FUT8: variants seen among roughly 807,000 people sequenced by gnomAD.
FUT8 encodes alpha-(1,6)-fucosyltransferase.
In FUT8, 29 loss-of-function variants were observed where a neutral mutation model predicts 71.3. That is an observed-to-expected ratio of 0.41 (90% CI 0.30 to 0.55). FUT8 has a LOEUF of 0.55. Among genes scored for constraint, FUT8 ranks in the 20% least tolerant of loss-of-function variants. FUT8 has a pLI of 0.34. For missense variants in FUT8, 544 were observed against 702.1 expected (o/e 0.77, Z 2.55); for synonymous variants, 254 against 239.3 (o/e 1.06, Z -0.57).
At chr14:65,521,037 A>G (rs1883042955) in intron 2 of FUT8, among the ~76,000 whole-genome samples, 1 of 152,146 alleles carries the variant, frequency 6.6e-6, no homozygotes, top group Non-Finnish European at 1.5e-5. Flanking sequence ...TTTAATGAAT[A>G]TGATAATTTG....
At chr14:65,705,707 A>C (rs1275110677) in intron 7 of FUT8, among the ~76,000 whole-genome samples, 2 of 152,254 alleles carry the variant, frequency 1.3e-5, no homozygotes, top group African/African-American at 4.8e-5. Flanking sequence ...AGTAGCTGCT[A>C]TTCTGTGTTT....
At chr14:65,511,270 T>C (rs1350858973) in intron 2 of FUT8, among the ~76,000 whole-genome samples, 3 of 152,174 alleles carry the variant, frequency 2.0e-5, no homozygotes, top group South Asian at 2.1e-4. Context: ...TCGGAGAAGA[T>C]GTTTGACACT....
chr14:65,504,064 A>G (rs1290597118), intron 2 of FUT8, among the ~76,000 whole-genome samples: 1 of 152,198 alleles, frequency 6.6e-6, no homozygotes, highest in African/African-American at 2.4e-5. Context: ...CTGGTGTGGG[A>G]CATGCTTTTT....
intron 10 of FUT8, among the ~76,000 whole-genome samples, chr14:65,738,679 A>G (rs1019197781): frequency 1.3e-5 from 2 of 152,080 alleles, no homozygotes; most frequent in Admixed American, 6.6e-5. Flanking sequence ...TTGAACTTTT[A>G]AACCACGTGG....
intron 2 of FUT8, among the ~76,000 whole-genome samples, chr14:65,502,537 T>C (rs1428297263): frequency 6.6e-6 from 1 of 152,222 alleles, no homozygotes; most frequent in Non-Finnish European, 1.5e-5. Flanking sequence ...GGTCCACTTA[T>C]TCTGAGATAA....
rs1888393369 is a variant in FUT8, at chr14:65,603,085, G to A, written c.204-12893G>A. ...AATGTCTAGAAGGATTTTTTCCGAT[G>A]TTATTTTCTAGATTTTTTTATAGTT... On this transcript the variant is annotated intron_variant, in intron 3 of 10. Coordinates refer to ENST00000673929, the MANE Select transcript of FUT8 (RefSeq NM_001371533.1). The surrounding 1 kb of genome is among the most constrained non-coding windows in gnomAD (Gnocchi z 4.5). Among the ~76,000 whole-genome samples, 1 of 151,912 alleles carries A rather than the reference G, an allele frequency of 6.6e-6. No homozygotes were observed. The highest frequency in any genetic ancestry group is 2.1e-4 in the South Asian group (1 of 4,792).
chr14:65,666,460 C>CTG (rs1892221561), intron 6 of FUT8, among the ~76,000 whole-genome samples: 1 of 152,150 alleles, frequency 6.6e-6, no homozygotes, highest in African/African-American at 2.4e-5. Flanking sequence ...TGGAAACATA[C>CTG]AACCTCCCAA....
intron 2 of FUT8, among the ~76,000 whole-genome samples, chr14:65,552,288 T>C (rs1885333789): frequency 6.6e-6 from 1 of 152,176 alleles, no homozygotes. Context: ...TAGAACCCAC[T>C]GTAATATTAC....
chr14:65,576,942 A>G (rs1229085126), intron 3 of FUT8, among the ~76,000 whole-genome samples: 2 of 151,700 alleles, frequency 1.3e-5, no homozygotes, highest in Middle Eastern at 3.2e-3. Flanking sequence ...TGACCTCGTG[A>G]TCTGCCCACC....
intron 7 of FUT8, among the ~76,000 whole-genome samples, chr14:65,699,389 C>CAATACACAGAACA (rs1894173060): frequency 6.6e-6 from 1 of 152,082 alleles, no homozygotes; most frequent in Admixed American, 6.5e-5. Context: ...GTACTTGCCC[C>CAATACACAGAACA]ATAGGATTGT....
intron 2 of FUT8, among the ~76,000 whole-genome samples, chr14:65,484,250 T>C (rs1449557215): frequency 2.6e-5 from 4 of 152,230 alleles, no homozygotes; most frequent in African/African-American, 7.2e-5. Flanking sequence ...TTTTCTTGCC[T>C]GATTTCACTG....
chr14:65,417,587 A>G (rs2065236738), intron 1 of FUT8, among the ~76,000 whole-genome samples: 1 of 152,196 alleles, frequency 6.6e-6, no homozygotes, highest in Non-Finnish European at 1.5e-5. Context: ...TTATAGGGCT[A>G]ATTTCATTTA....
In FUT8 at chr14:65,467,620, G is replaced by A. The variant is rs112821891; in HGVS notation, c.-228+11902G>A. On this transcript the variant is annotated intron_variant, in intron 2 of 10. Coordinates refer to ENST00000673929, the MANE Select transcript of FUT8 (RefSeq NM_001371533.1). This position sits in a 1 kb window ranked among gnomAD's most constrained non-coding sequence, Gnocchi z 4.1. ...GCCTCCTGAGTAGCTGGAATTAGAG[G>A]CGCCCATCACCACGCCCAGCTAATT... 2.0e-4 allele frequency among the ~76,000 whole-genome samples: 30 copies of A among 152,210 alleles called. No homozygotes were observed. The highest frequency in any genetic ancestry group is 5.5e-4 in the African/African-American group (23 of 41,540).
At chr14:65,525,650 T>C (rs1463927709) in intron 2 of FUT8, among the ~76,000 whole-genome samples, 1 of 152,240 alleles carries the variant, frequency 6.6e-6, no homozygotes, top group Non-Finnish European at 1.5e-5. Flanking sequence ...TTAATTCTGA[T>C]GTTAGGGTGT....
rs1471446041 is a variant in FUT8 at position 65,743,602 on chromosome 14, G to A, written c.*1192G>A. On this transcript the variant is annotated 3_prime_UTR_variant, in exon 11 of 11. Coordinates refer to ENST00000673929, the MANE Select transcript of FUT8 (RefSeq NM_001371533.1). ...CTTTTGAGAGTACCAGGTATCTTTGGGATTGGGAAGCTGGCTGTTTCAGAA... is the reference window on the plus strand; with the variant it reads ...CTTTTGAGAGTACCAGGTATCTTTGAGATTGGGAAGCTGGCTGTTTCAGAA... 1 of 151,768 alleles carries A rather than the reference G, an allele frequency of 6.6e-6. No homozygotes were observed. Among genetic ancestry groups the A allele is most frequent in the Admixed American group, 6.6e-5 (1 of 15,218 alleles). 9.4% of individuals were successfully genotyped at this position (151,768 alleles called of 1,614,324 possible).
chr14:65,576,291 T>G (rs1386159433), intron 3 of FUT8, among the ~76,000 whole-genome samples: 2 of 152,188 alleles, frequency 1.3e-5, no homozygotes, highest in Admixed American at 6.5e-5. Flanking sequence ...TAAGAGGCCA[T>G]TTGTAGCCAC....
At position 65,616,042 on chromosome 14, in the gene FUT8, C is replaced by T; in HGVS notation, c.268C>T (p.Leu90Phe). The T allele has an allele frequency of 1.2e-6, 2 of 1,613,990 alleles. No individual in the cohort carries two copies. The highest frequency in any genetic ancestry group is 1.7e-6 in the Non-Finnish European group (2 of 1,179,904). The part of the protein sequence containing the change: ...IGRVRVLEEQ[L>F]VKAKEQIENY... ...AAGAGTACGCGTTTTAGAAGAGCAG[C>T]TTGTTAAGGCCAAAGAACAGATTGA... Residue 90 changes from leucine to phenylalanine, a missense_variant, in exon 4 of 11, where the codon CTT becomes TTT. Coordinates refer to ENST00000673929, the MANE Select transcript of FUT8 (RefSeq NM_001371533.1).
chr14:65,677,151 T>TGTGTGTGTGTGTGTGTGTGTGTGC, intron 7 of FUT8, among the ~76,000 whole-genome samples: 1 of 110,744 alleles, frequency 9.0e-6, no homozygotes, highest in Non-Finnish European at 1.8e-5. Context: ...TGTGTGTGTG[T>TGTGTGTGTGTGTGTGTGTGTGTGC]GCGCGCGCGC....
At chr14:65,500,130 AC>A (rs920985686) in intron 2 of FUT8, among the ~76,000 whole-genome samples, 1 of 152,208 alleles carries the variant, frequency 6.6e-6, no homozygotes, top group African/African-American at 2.4e-5. Flanking sequence ...ATGAGATGTT[AC>A]CTTTCCAACA....
Sources: allele counts gnomAD v4.1 joint callset (sites outside exome capture counted in the v4.1 genomes callset), GRCh38; gene constraint gnomAD v4.1.1; non-coding constraint Gnocchi (gnomAD v3.1); transcripts MANE v1.5; gene names NCBI Gene and HGNC (gene_info 2026-07-23, HGNC 2026-07-21).